Variants in TRPM8 observed in about 807,000 individuals in gnomAD.
TRPM8 encodes the protein transient receptor potential cation channel subfamily M member 8.
A neutral mutation model predicts 133.7 loss-of-function variants in TRPM8; 110 were observed. The observed-to-expected ratio is 0.82, with a 90% CI of 0.70 to 0.96. The LOEUF is 0.96. Ranked by LOEUF, TRPM8 falls within the 40% of genes least tolerant of loss-of-function variation. TRPM8 has a pLI of 0.00. For synonymous variants in TRPM8, 535 were observed against 532.3 expected (o/e 1.01, Z -0.07); for missense variants, 1,291 against 1,379.5 (o/e 0.94, Z 1.02).
intron 22 of TRPM8, among the ~76,000 whole-genome samples, chr2:233,996,756 C>A (rs974176101): frequency 6.6e-6 from 1 of 152,150 alleles, no homozygotes; most frequent in East Asian, 1.9e-4. Flanking sequence ...GACTTTTGGA[C>A]AGATCGTGTA....
At chr2:234,010,682 G>A (rs1237728262) in intron 24 of TRPM8, among the ~76,000 whole-genome samples, 1 of 152,194 alleles carries the variant, frequency 6.6e-6, no homozygotes, top group African/African-American at 2.4e-5. Context: ...CGTAACAGGT[G>A]TGAGGTATGG....
intron 14 of TRPM8, among the ~76,000 whole-genome samples, chr2:233,965,624 T>A (rs1691547663): frequency 1.3e-5 from 2 of 152,230 alleles, no homozygotes; most frequent in South Asian, 4.1e-4. Context: ...TAGTGTCTTA[T>A]CAAATGTAAA....
chr2:233,922,276 C>T (rs28901601), intron 1 of TRPM8, among the ~76,000 whole-genome samples: 1 of 152,158 alleles, frequency 6.6e-6, no homozygotes, highest in African/African-American at 2.4e-5. Context: ...CATAATCAAC[C>T]TGGAAGGTCC....
Position 233,966,936 on chromosome 2 carries a change from T to C in TRPM8, c.2025+181T>C, listed in dbSNP as rs567205631. On this transcript the variant is annotated intron_variant, in intron 15 of 25. Transcript: ENST00000324695. ...TATAGGCATTGGTCGAAATCCATGC[T>C]TTAAGAGATGGTGCAGGACAAAGAA... Among the ~76,000 whole-genome samples the C allele has an allele frequency of 7.9e-5, 12 of 152,344 alleles. No individual in the cohort carries two copies. The South Asian group carries it at 2.5e-3, about 32-fold the overall frequency.
chr2:233,948,931 G>T (rs538820256), intron 8 of TRPM8, among the ~76,000 whole-genome samples: 27 of 152,202 alleles, frequency 1.8e-4, no homozygotes, highest in Non-Finnish European at 3.2e-4. Context: ...CTATTCAGGA[G>T]GCTAAGGCAG....
Position 233,960,911 on chromosome 2 carries a change from C to T in TRPM8, c.1498C>T (p.His500Tyr), listed in dbSNP as rs375855782. The stretch of plus-strand genomic sequence containing the variant: ...TGTCCTCACTGAACTCTTCTCCAAC[C>T]ACTTCAGCACGCTTGTGTACCGGAA... Reference protein sequence around the residue: ...HDVLTELFSNHFSTLVYRNLQ... With the variant: ...HDVLTELFSNYFSTLVYRNLQ... The change falls in exon 12 of 26, where the codon CAC becomes TAC. Residue 500 changes from histidine to tyrosine, a missense_variant. Transcript: ENST00000324695. 4 of 1,614,182 alleles carry T rather than the reference C, an allele frequency of 2.5e-6. No individual in the cohort carries two copies. Among genetic ancestry groups the T allele is most frequent in the Non-Finnish European group, 3.4e-6 (4 of 1,180,048 alleles).
chr2:233,992,485 A>G (rs1692303695), intron 21 of TRPM8, among the ~76,000 whole-genome samples: 1 of 152,130 alleles, frequency 6.6e-6, no homozygotes, highest in Admixed American at 6.5e-5. Flanking sequence ...TTTATGTACA[A>G]AGTGATCTGA....
In TRPM8 at chr2:233,991,784, A is replaced by C. The variant is rs570176943; in HGVS notation, c.2940-4542A>C. Reference sequence around the variant, plus strand: ...TAGGCGTTCTAACATCTGTTGTACAAGTTTCCCTCATTATTCTTATTCAAA... The same window carrying C: ...TAGGCGTTCTAACATCTGTTGTACACGTTTCCCTCATTATTCTTATTCAAA... On this transcript the variant is annotated intron_variant, in intron 21 of 25. Coordinates refer to ENST00000324695, the MANE Select transcript of TRPM8 (RefSeq NM_024080.5). 2.6e-5 allele frequency among the ~76,000 whole-genome samples: 4 copies of C among 152,238 alleles called. No individual in the cohort carries two copies. The South Asian group carries it at 8.3e-4, about 32-fold the overall frequency.
chr2:233,996,714 T>C (rs1692412147), intron 22 of TRPM8, among the ~76,000 whole-genome samples, 198 bp downstream of exon 22: 1 of 152,234 alleles, frequency 6.6e-6, no homozygotes, highest in Admixed American at 6.5e-5. Flanking sequence ...ACTGTAGATC[T>C]GCCGGGATAG....
At chr2:233,939,630 T>C (rs1366475796) in intron 5 of TRPM8, among the ~76,000 whole-genome samples, 2 of 152,232 alleles carry the variant, frequency 1.3e-5, no homozygotes, top group Non-Finnish European at 2.9e-5. Flanking sequence ...CCTTTGTTAC[T>C]TGAAACACTT....
chr2:233,945,976 G>C lies in TRPM8; in HGVS notation c.820G>C (p.Glu274Gln). The stretch of plus-strand genomic sequence containing the variant: ...TGGCTGTCATGGACATCCCACTGTC[G>C]AAGCAAAGCTCCGGAATCAGCTAGA... Reference protein sequence around the residue: ...DNGCHGHPTVEAKLRNQLEKY... With the variant: ...DNGCHGHPTVQAKLRNQLEKY... The change falls in exon 7 of 26, where the codon GAA (glutamate) becomes CAA (glutamine). Residue 274 changes from glutamate (E) to glutamine (Q), a missense_variant. Glu to Gln is a conservative substitution (Grantham distance 29). Transcript: ENST00000324695. 1.2e-6 allele frequency: 2 copies of C among 1,614,026 alleles called. No individual in the cohort carries two copies. The highest frequency in any genetic ancestry group is 2.2e-5 in the East Asian group (1 of 44,872).
chr2:233,990,587 A>G (rs1692250786), intron 21 of TRPM8, among the ~76,000 whole-genome samples: 1 of 152,310 alleles, frequency 6.6e-6, no homozygotes, highest in East Asian at 1.9e-4. Flanking sequence ...TGTGTTTTTT[A>G]CTATTATAAT....
chr2:233,980,671 G>C lies in TRPM8; in HGVS notation c.2447+392G>C, dbSNP rs527921784. ...ACATGAGCCTCTGCCCCTGATCATG[G>C]GGAGAAATAAATAGAAATTGAGAAC... On this transcript the variant is annotated intron_variant, in intron 18 of 25. Coordinates refer to ENST00000324695, the MANE Select transcript of TRPM8 (RefSeq NM_024080.5). Among the ~76,000 whole-genome samples the C allele has an allele frequency of 1.4e-3, 210 of 152,246 alleles. 1 individual carries two copies. Among genetic ancestry groups the C allele is most frequent in the Non-Finnish European group, 2.7e-3 (183 of 68,014 alleles).
chr2:233,978,848 T>A (rs1691935763), intron 17 of TRPM8, among the ~76,000 whole-genome samples: 1 of 152,200 alleles, frequency 6.6e-6, no homozygotes, highest in Non-Finnish European at 1.5e-5. Flanking sequence ...GATTTCATAG[T>A]GCCCTCACCC....
chr2:233,965,229 A>G (rs1691538220), intron 14 of TRPM8, among the ~76,000 whole-genome samples: 1 of 152,218 alleles, frequency 6.6e-6, no homozygotes, highest in Non-Finnish European at 1.5e-5. Context: ...CAGCAGCCTG[A>G]GTAGCATCTG....
intron 5 of TRPM8, 68 bp from the exon 6 acceptor site, chr2:233,942,508 T>C: frequency 6.6e-7 from 1 of 1,525,276 alleles, no homozygotes. Context: ...ATTTTAGGGG[T>C]CTGTGAGCCC....
intron 14 of TRPM8, among the ~76,000 whole-genome samples, chr2:233,966,371 C>T (rs1003207080): frequency 3.3e-5 from 5 of 152,182 alleles, no homozygotes; most frequent in Admixed American, 6.5e-5. Flanking sequence ...CAGCTCAATC[C>T]AGTGAGCAGT....
chr2:233,944,574 A>G (rs1448987576), intron 6 of TRPM8, among the ~76,000 whole-genome samples: 1 of 152,218 alleles, frequency 6.6e-6, no homozygotes, highest in Non-Finnish European at 1.5e-5. Flanking sequence ...AGAAACAACC[A>G]ACCACCCAAC....
At position 233,985,854 on chromosome 2, in the gene TRPM8, C is replaced by A. The variant is rs200934170; in HGVS notation, c.2928C>A (p.Val976=). The change falls in exon 21 of 26, where the codon GTC becomes GTA. Residue 976 remains valine, a synonymous_variant. Transcript: ENST00000324695. ...ACATCCTGCTGGTCAACCTGCTGGT[C>A]GCCATGTTTGGGTATGTGTTCAGTC... ...STNILLVNLL[V]AMFGYTVGTV... is the part of the protein sequence containing the mutation. The A allele has an allele frequency of 2.5e-6, 4 of 1,612,986 alleles. No homozygotes were observed. Among genetic ancestry groups the A allele is most frequent in the South Asian group, 1.1e-5 (1 of 90,826 alleles).
Sources: allele counts gnomAD v4.1 joint callset (sites outside exome capture counted in the v4.1 genomes callset), GRCh38; gene constraint gnomAD v4.1.1; transcripts MANE v1.5; gene names NCBI Gene and HGNC (gene_info 2026-07-23, HGNC 2026-07-21).